The following NDFIP2 variants were observed in gnomAD, a reference collection of about 807,000 sequenced individuals.
The protein encoded by NDFIP2 is Nedd4 family interacting protein 2, also known as NEDD4 family-interacting protein 2.
Under a neutral mutation model 36.0 loss-of-function variants are expected in NDFIP2, and 19 were observed. That is an observed-to-expected ratio of 0.53 (90% CI 0.37 to 0.77). NDFIP2 has a LOEUF of 0.77. NDFIP2 is among the 30% of genes least tolerant of loss of function. The pLI, the probability that NDFIP2 is intolerant of heterozygous loss-of-function variation, is 0.00. For missense variants in NDFIP2, 446 were observed against 435.8 expected, an observed-to-expected ratio of 1.02 and a Z score of -0.21; for synonymous variants, 181 against 167.7, an observed-to-expected ratio of 1.08 and a Z score of -0.61.
chr13:79,496,358 T>C (rs1242563012), intron 1 of NDFIP2, among the ~76,000 whole-genome samples: 2 of 151,976 alleles, frequency 1.3e-5, no homozygotes, highest in Non-Finnish European at 2.9e-5. Flanking sequence ...GTTAGGTCTA[T>C]AAAGACATTC....
At chr13:79,551,915 A>G (rs1875924060) in intron 7 of NDFIP2, among the ~76,000 whole-genome samples, 1 of 151,364 alleles carries the variant, frequency 6.6e-6, no homozygotes, top group Non-Finnish European at 1.5e-5. Context: ...CAAAATGTCT[A>G]CTAGTACTTA....
At chr13:79,533,296 G>A in intron 2 of NDFIP2, 27 bp from the exon 3 acceptor site, 1 of 1,585,286 alleles carries the variant, frequency 6.3e-7, no homozygotes, top group Non-Finnish European at 8.5e-7. Flanking sequence ...GATTTTATTG[G>A]TTATTCTTTT....
At position 79,554,465 on chromosome 13, in the gene NDFIP2, G is replaced by A. The variant is rs1045754879; in HGVS notation, c.*1952G>A. ...TCATTTTAGCTTTTATGGTATATGTGCTTGTTTTCTGAATATGGATACATG... is the reference window on the plus strand; with the variant it reads ...TCATTTTAGCTTTTATGGTATATGTACTTGTTTTCTGAATATGGATACATG... On this transcript the variant is annotated 3_prime_UTR_variant, in exon 8 of 8. Transcript: ENST00000218652. 11 of 151,748 alleles carry A rather than the reference G, an allele frequency of 7.2e-5. No individual in the cohort carries two copies. The highest frequency in any genetic ancestry group is 2.4e-4 in the African/African-American group (10 of 41,482). 9.4% of individuals were successfully genotyped at this position (151,748 alleles called of 1,614,324 possible).
At chr13:79,487,295 T>G (rs971251322) in intron 1 of NDFIP2, among the ~76,000 whole-genome samples, 4 of 152,212 alleles carry the variant, frequency 2.6e-5, no homozygotes, top group African/African-American at 4.8e-5. Context: ...CTACAAAGCT[T>G]CTTTCATTCA....
chr13:79,482,180 T>TTC (rs1483166391), intron 1 of NDFIP2, among the ~76,000 whole-genome samples: 1 of 146,242 alleles, frequency 6.8e-6, no homozygotes, highest in African/African-American at 2.5e-5. Flanking sequence ...TTTTTTTTTT[T>TTC]TTTTTTTTTT....
chr13:79,497,743 C>A (rs975947495), intron 1 of NDFIP2, among the ~76,000 whole-genome samples: 8 of 117,188 alleles, frequency 6.8e-5, no homozygotes, highest in Non-Finnish European at 1.4e-4. Flanking sequence ...TGGAAGTTTT[C>A]TTTAAATTTG....
intron 5 of NDFIP2, among the ~76,000 whole-genome samples, chr13:79,544,945 C>T (rs1170258517): frequency 6.6e-6 from 1 of 151,982 alleles, no homozygotes; most frequent in Non-Finnish European, 1.5e-5. Flanking sequence ...AGAACTATCC[C>T]CTGACAATTT....
chr13:79,541,364 T>A (rs975894861), intron 4 of NDFIP2, among the ~76,000 whole-genome samples: 1 of 151,456 alleles, frequency 6.6e-6, no homozygotes. Context: ...CTGGATGACT[T>A]TATTCTTAGC....
At chr13:79,495,887 G>A (rs1873416822) in intron 1 of NDFIP2, among the ~76,000 whole-genome samples, 1 of 151,772 alleles carries the variant, frequency 6.6e-6, no homozygotes, top group Non-Finnish European at 1.5e-5. Flanking sequence ...AAGAAAGTGT[G>A]AAGGTTAGGC....
chr13:79,539,546 C>T, intron 3 of NDFIP2, 136 bp from the exon 4 acceptor site: 2 of 623,180 alleles, frequency 3.2e-6, no homozygotes, highest in South Asian at 4.2e-5. Flanking sequence ...TACTCTGTGC[C>T]AGACATTGTA....
At chr13:79,516,594 A>G (rs546384158) in intron 1 of NDFIP2, among the ~76,000 whole-genome samples, 1 of 152,344 alleles carries the variant, frequency 6.6e-6, no homozygotes, top group South Asian at 2.1e-4. Context: ...TGCTAAATAT[A>G]GTAATAATAT....
In NDFIP2 at chr13:79,548,399, G is replaced by T; in HGVS notation, c.907+5G>T. 2 of 1,570,762 alleles carry T rather than the reference G, an allele frequency of 1.3e-6. No individual in the cohort carries two copies. Among genetic ancestry groups the T allele is most frequent in the Admixed American group, 1.8e-5 (1 of 57,014 alleles). On this transcript the variant is annotated splice_donor_5th_base_variant and intron_variant, in intron 6 of 7. Coordinates refer to ENST00000218652, the MANE Select transcript of NDFIP2 (RefSeq NM_019080.3). ...GGTGGATATTTCTTGTACTTGGTAA[G>T]TTTATTCTTAATGCATTTAGTTTAA... is the stretch of plus-strand genomic sequence containing the variant.
chr13:79,538,870 C>T (rs751232993), intron 3 of NDFIP2, among the ~76,000 whole-genome samples: 4 of 152,244 alleles, frequency 2.6e-5, no homozygotes, highest in Non-Finnish European at 4.4e-5. Context: ...GCGTGAGCCA[C>T]AGCGCCTGGC....
At chr13:79,488,443 G>A (rs549762419) in intron 1 of NDFIP2, among the ~76,000 whole-genome samples, 36 of 152,204 alleles carry the variant, frequency 2.4e-4, no homozygotes, top group African/African-American at 8.4e-4. Context: ...TCAAATGGTA[G>A]CCTTTGCTTA....
chr13:79,505,995 T>C (rs1873852358), intron 1 of NDFIP2, among the ~76,000 whole-genome samples: 1 of 152,190 alleles, frequency 6.6e-6, no homozygotes, highest in South Asian at 2.1e-4. Context: ...TTTTGAATGG[T>C]TGTAGAATCT....
chr13:79,481,654 G>C, intron 1 of NDFIP2, 130 bp downstream of exon 1: 1 of 1,181,198 alleles, frequency 8.5e-7, no homozygotes, highest in Non-Finnish European at 1.2e-6. Context: ...TGTTTTTTTG[G>C]ATCTTCTGGC....
At chr13:79,521,394 A>T (rs1000011147) in intron 2 of NDFIP2, among the ~76,000 whole-genome samples, 8 of 152,204 alleles carry the variant, frequency 5.3e-5, no homozygotes, top group African/African-American at 1.9e-4. Flanking sequence ...ATGATTAATT[A>T]TTCAGTTTGA....
intron 2 of NDFIP2, 40 bp from the exon 3 acceptor site, chr13:79,533,283 A>G: frequency 6.3e-7 from 1 of 1,577,990 alleles, no homozygotes; most frequent in Non-Finnish European, 8.6e-7. Flanking sequence ...ACAAAATTAA[A>G]TAGATTTTAT....
intron 2 of NDFIP2, among the ~76,000 whole-genome samples, chr13:79,526,953 G>A (rs1874820255): frequency 6.6e-6 from 1 of 152,252 alleles, no homozygotes; most frequent in African/African-American, 2.4e-5. Flanking sequence ...CTTCTCAGTG[G>A]TAAAGACAGA....
Sources: gnomAD v4.1 joint callset for allele counts (sites outside exome capture counted in the v4.1 genomes callset) on GRCh38, gnomAD v4.1.1 for gene constraint, MANE v1.5 for transcripts, NCBI Gene and HGNC (gene_info 2026-07-23, HGNC 2026-07-21) for gene names.